ANTXR1: variants seen among roughly 807,000 people sequenced by gnomAD.
ANTXR1 encodes anthrax toxin receptor 1.
In ANTXR1, 19 loss-of-function variants were observed where a neutral mutation model predicts 78.1. That is an observed-to-expected ratio of 0.24 (90% CI 0.17 to 0.36). The LOEUF (loss-of-function observed/expected upper bound fraction) is 0.36. Ranked by LOEUF, ANTXR1 falls within the 10% of genes least tolerant of loss-of-function variation. The probability of loss-of-function intolerance (pLI) is 1.00; values close to 1 mark genes in which losing one functional copy is unlikely to be tolerated. For synonymous variants in ANTXR1, 273 were observed against 260.5 expected, an observed-to-expected ratio of 1.05 and a Z score of -0.46; for missense variants, 518 against 718.6, an observed-to-expected ratio of 0.72 and a Z score of 3.19.
At position 69,046,654 on chromosome 2, in the gene ANTXR1, A is replaced by G. The variant is rs550866305; in HGVS notation, c.296+1841A>G. 5.3e-5 allele frequency among the ~76,000 whole-genome samples: 8 copies of G among 152,312 alleles called. No individual in the cohort carries two copies. The South Asian group carries it at 1.2e-3, about 24-fold the overall frequency. On this transcript the variant is annotated intron_variant, in intron 3 of 17. Coordinates refer to ENST00000303714, the MANE Select transcript of ANTXR1 (RefSeq NM_032208.3). ...GACACACCCCCAACCTCATCAGCCTATGGAAGAAATGTGGGCAAGATCTCT... is the reference window on the plus strand; with the variant it reads ...GACACACCCCCAACCTCATCAGCCTGTGGAAGAAATGTGGGCAAGATCTCT...
At chr2:69,116,735 G>A (rs147143871) in intron 10 of ANTXR1, among the ~76,000 whole-genome samples, 1,887 of 152,216 alleles carry the variant, frequency 0.012, 44 homozygotes, top group African/African-American at 0.041. Flanking sequence ...ACACCCTCCC[G>A]CTGCCTCCAT....
intron 17 of ANTXR1, among the ~76,000 whole-genome samples, chr2:69,205,925 G>T (rs1674888312): frequency 6.6e-6 from 1 of 152,096 alleles, no homozygotes; most frequent in Admixed American, 6.5e-5. Context: ...TTTGAAAATA[G>T]AAAATTCATT....
At chr2:69,191,951 A>G (rs1286694354) in intron 16 of ANTXR1, among the ~76,000 whole-genome samples, 2 of 152,146 alleles carry the variant, frequency 1.3e-5, no homozygotes, top group Non-Finnish European at 2.9e-5. Flanking sequence ...GGACAATTCA[A>G]TTAGAGAACA....
intron 3 of ANTXR1, among the ~76,000 whole-genome samples, chr2:69,051,171 A>C (rs944078746): frequency 1.3e-5 from 2 of 151,870 alleles, no homozygotes; most frequent in African/African-American, 4.8e-5. Flanking sequence ...CTGTAATCCC[A>C]CCTACTTGGG....
chr2:69,101,082 G>A (rs1305481183), intron 9 of ANTXR1, among the ~76,000 whole-genome samples: 1 of 152,060 alleles, frequency 6.6e-6, no homozygotes, highest in African/African-American at 2.4e-5. Flanking sequence ...TCCTTATTGT[G>A]AAGGCCTCTT....
At chr2:69,111,059 C>T (rs955171451) in intron 10 of ANTXR1, among the ~76,000 whole-genome samples, 3 of 152,148 alleles carry the variant, frequency 2.0e-5, no homozygotes, top group Non-Finnish European at 2.9e-5. Context: ...ATGTCCCTGA[C>T]GTAATCAGAA....
At chr2:69,176,108 C>T (rs1674114497) in intron 14 of ANTXR1, among the ~76,000 whole-genome samples, 1 of 151,118 alleles carries the variant, frequency 6.6e-6, no homozygotes, top group South Asian at 2.1e-4. Flanking sequence ...CACACACACA[C>T]ATACACTCCA....
chr2:69,027,640 A>C (rs7594057), intron 1 of ANTXR1, among the ~76,000 whole-genome samples: 1 of 100,184 alleles, frequency 1.0e-5, no homozygotes, highest in Non-Finnish European at 2.3e-5. Context: ...GTGTGTGTGT[A>C]TGTGTGTGTG....
intron 13 of ANTXR1, among the ~76,000 whole-genome samples, chr2:69,167,987 T>A (rs187815234): frequency 6.1e-4 from 93 of 152,364 alleles, no homozygotes; most frequent in Non-Finnish European, 1.2e-4. Context: ...GGTCTGAGTG[T>A]TGGGCCACCT....
chr2:69,148,478 G>A (rs1673292610), intron 12 of ANTXR1, among the ~76,000 whole-genome samples: 3 of 152,276 alleles, frequency 2.0e-5, no homozygotes, highest in East Asian at 1.9e-4. Flanking sequence ...AACTGCCCAC[G>A]TTTAAATTCT....
intron 12 of ANTXR1, among the ~76,000 whole-genome samples, chr2:69,147,074 C>T (rs752302964): frequency 3.9e-5 from 6 of 152,180 alleles, no homozygotes; most frequent in Non-Finnish European, 4.4e-5. Context: ...GCCAAGGAGT[C>T]GAGGCAGTCT....
chr2:69,072,507 C>T (rs1670597805), intron 5 of ANTXR1, among the ~76,000 whole-genome samples: 1 of 152,154 alleles, frequency 6.6e-6, no homozygotes, highest in Admixed American at 6.5e-5. Context: ...TATGAGAAGC[C>T]TAAAAATCAC....
chr2:69,179,541 T>A (rs1674222108), intron 14 of ANTXR1, among the ~76,000 whole-genome samples: 2 of 147,254 alleles, frequency 1.4e-5, no homozygotes, highest in African/African-American at 2.6e-5. Flanking sequence ...AAAAAAAAAT[T>A]ATCAAAATTA....
At chr2:69,146,461 G>A in intron 12 of ANTXR1, 3 of 844,748 alleles carry the variant, frequency 3.6e-6, no homozygotes, top group Non-Finnish European at 4.3e-6. Context: ...ACGTGTGGCT[G>A]TTTGCTGTTT....
At chr2:69,078,103 G>A (rs1279857454) in intron 8 of ANTXR1, among the ~76,000 whole-genome samples, 1 of 152,166 alleles carries the variant, frequency 6.6e-6, no homozygotes. Context: ...TTCACACATA[G>A]GTGATTTTCT....
chr2:69,228,549 CT>C (rs201758416), intron 17 of ANTXR1, among the ~76,000 whole-genome samples: 4,611 of 152,250 alleles, frequency 0.03, 240 homozygotes, highest in African/African-American at 0.11. Flanking sequence ...TGAGCCATTT[CT>C]ACATTTTTGA....
intron 17 of ANTXR1, among the ~76,000 whole-genome samples, chr2:69,194,582 G>A (rs920450400): frequency 2.6e-5 from 4 of 152,218 alleles, no homozygotes; most frequent in Non-Finnish European, 5.9e-5. Flanking sequence ...GATGGGCACC[G>A]TGGCTCATAC....
chr2:69,240,780 G>C (rs1558668678), intron 17 of ANTXR1, among the ~76,000 whole-genome samples: 1 of 148,938 alleles, frequency 6.7e-6, no homozygotes, highest in Admixed American at 6.7e-5. Context: ...GTGTAGTCTC[G>C]AGCAAGTTAT....
intron 17 of ANTXR1, among the ~76,000 whole-genome samples, chr2:69,230,569 C>A (rs1573992909): frequency 6.6e-6 from 1 of 152,148 alleles, no homozygotes; most frequent in East Asian, 1.9e-4. Flanking sequence ...TTAAGATTTT[C>A]AAGTCAAAAT....
Sources: gnomAD v4.1 joint callset for allele counts (sites outside exome capture counted in the v4.1 genomes callset) on GRCh38, gnomAD v4.1.1 for gene constraint, MANE v1.5 for transcripts, NCBI Gene and HGNC (gene_info 2026-07-23, HGNC 2026-07-21) for gene names.